FXR1: variants seen among roughly 807,000 people sequenced by gnomAD.
FXR1 encodes the protein RNA-binding protein FXR1.
In FXR1, 15 loss-of-function variants were observed where a neutral mutation model predicts 84.0. That is an observed-to-expected ratio of 0.18 (90% CI 0.12 to 0.27). FXR1 has a LOEUF of 0.27. FXR1 is among the 10% of genes least tolerant of loss of function. The pLI, the probability that FXR1 is intolerant of heterozygous loss-of-function variation, is 1.00. For synonymous variants in FXR1, 245 were observed against 250.7 expected (o/e 0.98, Z 0.21); for missense variants, 480 against 774.4 (o/e 0.62, Z 4.51).
At chr3:180,944,749 A>C (rs907190884) in intron 3 of FXR1, among the ~76,000 whole-genome samples, 1 of 152,176 alleles carries the variant, frequency 6.6e-6, no homozygotes, top group African/African-American at 2.4e-5. Context: ...CAGGCCCCCA[A>C]GTAGCTGAGA....
intron 15 of FXR1, chr3:180,971,129 G>C (rs1158567297): frequency 7.8e-7 from 1 of 1,276,908 alleles, no homozygotes; most frequent in East Asian, 5.6e-5. Flanking sequence ...CGTCGCTTCA[G>C]GGGTCAGGCA....
In FXR1 at chr3:180,975,993, T is replaced by G; in HGVS notation, c.1696-129T>G. On this transcript the variant is annotated intron_variant, in intron 16 of 16. Coordinates refer to ENST00000357559, the MANE Select transcript of FXR1 (RefSeq NM_005087.4). ...GTTTTGAATTTTAAAGATGTTTTAA[T>G]ACTTTGATCCATTGTGGTATATAAA... 3.2e-6 allele frequency: 2 copies of G among 628,594 alleles called. 1 individual carries two copies. The highest frequency in any genetic ancestry group is 4.6e-5 in the South Asian group (2 of 43,264). The allele number at this position is 628,594 out of a possible 1,614,324, so 38.9% of individuals were successfully genotyped here.
chr3:180,959,969 T>TAAACCATTCTGTTTAACTGTTAG (rs1307627121), intron 10 of FXR1, among the ~76,000 whole-genome samples: 1 of 152,190 alleles, frequency 6.6e-6, no homozygotes, highest in African/African-American at 2.4e-5. Flanking sequence ...AAAAAATCCC[T>TAAACCATTCTGTTTAACTGTTAG]AAACCATTCT....
chr3:180,976,562 T>C lies in FXR1; in HGVS notation c.*270T>C, dbSNP rs1489983047. 2 of 210,082 alleles carry C rather than the reference T, an allele frequency of 9.5e-6. No individual in the cohort carries two copies. The highest frequency in any genetic ancestry group is 4.6e-5 in the African/African-American group (2 of 43,672). The allele number at this position is 210,082 out of a possible 1,614,324, so 13.0% of individuals were successfully genotyped here. On this transcript the variant is annotated 3_prime_UTR_variant, in exon 17 of 17. Transcript: ENST00000357559. ...TTGCTGGCTATAGGAAATGTTATTT[T>C]GTTTTCAAAATATGGCAGAGATGGG...
intron 1 of FXR1, among the ~76,000 whole-genome samples, chr3:180,932,084 A>AAAAAAAAC (rs1270174639): frequency 6.6e-6 from 1 of 150,484 alleles, no homozygotes. Context: ...TCAAAAAAAA[A>AAAAAAAAC]AAAAAACAAC....
Position 180,978,201 on chromosome 3 carries a change from T to C in FXR1, c.*1909T>C, listed in dbSNP as rs143130417. ...TGGTGTAAAAAAAAAAAAAAAGACT[T>C]TTCATTTTCTCCCACATAGAATAGT... is the stretch of plus-strand genomic sequence containing the variant. On this transcript the variant is annotated 3_prime_UTR_variant, in exon 17 of 17. Transcript: ENST00000357559. 11 of 151,918 alleles carry C rather than the reference T, an allele frequency of 7.2e-5. No homozygotes were observed. The highest frequency in any genetic ancestry group is 5.8e-4 in the East Asian group (3 of 5,176). 9.4% of individuals were successfully genotyped at this position (151,918 alleles called of 1,614,324 possible).
At chr3:180,968,457 T>C in intron 14 of FXR1, 1 of 466,186 alleles carries the variant, frequency 2.1e-6, no homozygotes, top group Middle Eastern at 5.7e-4. Context: ...AATATACTGG[T>C]CAGAACTTTA....
chr3:180,976,337 A>G lies in FXR1; in HGVS notation c.*45A>G. On this transcript the variant is annotated 3_prime_UTR_variant, in exon 17 of 17. Coordinates refer to ENST00000357559, the MANE Select transcript of FXR1 (RefSeq NM_005087.4). ...TACAGTTCTTTTACATTACATTTAC[A>G]ATAGTGCTTGTACAAGCTTGCCAAA... is the stretch of plus-strand genomic sequence containing the variant. 7.7e-7 allele frequency: 1 copy of G among 1,306,800 alleles called. No homozygotes were observed. Among genetic ancestry groups the G allele is most frequent in the Non-Finnish European group, 1.1e-6 (1 of 941,606 alleles). 81.0% of individuals were successfully genotyped at this position (1,306,800 alleles called of 1,614,324 possible).
At chr3:180,954,102 A>T (rs747215749) in intron 9 of FXR1, 14 of 307,298 alleles carry the variant, frequency 4.6e-5, no homozygotes, top group Middle Eastern at 9.7e-4. Context: ...TTGTCATTAC[A>T]GTTTTTCATC....
At chr3:180,973,883 T>G (rs1713892996) in intron 15 of FXR1, among the ~76,000 whole-genome samples, 1 of 152,220 alleles carries the variant, frequency 6.6e-6, no homozygotes, top group Admixed American at 6.5e-5. Flanking sequence ...GTAAATACCA[T>G]CCAGCTTTTT....
chr3:180,923,968 T>G (rs1050395529), intron 1 of FXR1, among the ~76,000 whole-genome samples: 2 of 150,484 alleles, frequency 1.3e-5, no homozygotes, highest in Non-Finnish European at 3.0e-5. Context: ...TGAGTTTCTG[T>G]TTTTTTTTGA....
intron 15 of FXR1, chr3:180,971,850 A>T (rs943098830): frequency 1.3e-5 from 2 of 152,656 alleles, no homozygotes; most frequent in African/African-American, 4.8e-5. Context: ...TCACATGTAT[A>T]TTCACAATGA....
chr3:180,912,761 C>G, intron 1 of FXR1, 25 bp downstream of exon 1: 1 of 1,613,936 alleles, frequency 6.2e-7, no homozygotes, highest in South Asian at 1.1e-5. Context: ...GCCACTTTGT[C>G]GAGTGTTCTG....
chr3:180,940,986 G>C (rs1347156021), intron 3 of FXR1, among the ~76,000 whole-genome samples: 1 of 152,110 alleles, frequency 6.6e-6, no homozygotes, highest in Non-Finnish European at 1.5e-5. Context: ...GTTAAAATAG[G>C]AATTGGCAAG....
chr3:180,970,072 T>G, intron 14 of FXR1, 86 bp from the exon 15 acceptor site: 1 of 625,676 alleles, frequency 1.6e-6, no homozygotes, highest in Non-Finnish European at 3.0e-6. Context: ...GAAGTTTATT[T>G]GTCATTGATA....
At chr3:180,966,614 G>C (rs1394243563) in intron 13 of FXR1, among the ~76,000 whole-genome samples, 1 of 152,270 alleles carries the variant, frequency 6.6e-6, no homozygotes, top group South Asian at 2.1e-4. Context: ...TATACACTCT[G>C]CCAGGCATTT....
In FXR1 at chr3:180,912,694, G is replaced by C; in HGVS notation, c.9G>C (p.Glu3Asp). The change falls in exon 1 of 17, where the codon GAG becomes GAC. Residue 3 changes from glutamate (E) to aspartate (D), a missense_variant. Physicochemically the swap from Glu to Asp is conservative, Grantham distance 45. Around this residue, in one of 6 missense-constraint regions of FXR1, gnomAD observed 54 missense variants for 74.2 expected, o/e 0.73. Coordinates refer to ENST00000357559, the MANE Select transcript of FXR1 (RefSeq NM_005087.4). MAELTVEVRGSNG... is the reference protein window; with the variant it reads MADLTVEVRGSNG... ...GCCTTTGCGGTTCCAACATGGCGGA[G>C]CTGACGGTGGAGGTTCGCGGCTCTA... The C allele has an allele frequency of 1.2e-6, 2 of 1,613,954 alleles. No homozygotes were observed. Among genetic ancestry groups the C allele is most frequent in the South Asian group, 1.1e-5 (1 of 91,072 alleles).
rs1294944357 is a variant in FXR1, at chr3:180,915,008, C to G, written c.51+2272C>G. The G allele has an allele frequency of 5.0e-6, 4 of 793,958 alleles. No individual in the cohort carries two copies. The East Asian group carries it at 5.0e-4, about 99-fold the overall frequency. 49.2% of individuals were successfully genotyped at this position (793,958 alleles called of 1,614,324 possible). On this transcript the variant is annotated intron_variant, in intron 1 of 16. Coordinates refer to ENST00000357559, the MANE Select transcript of FXR1 (RefSeq NM_005087.4). ...ATGAGAATTCTAGGTCTGTACTTCA[C>G]CTTACCATTATCTAACAATGGACCC...
intron 3 of FXR1, among the ~76,000 whole-genome samples, chr3:180,941,696 T>C (rs1169307698): frequency 6.6e-6 from 1 of 152,180 alleles, no homozygotes; most frequent in African/African-American, 2.4e-5. Flanking sequence ...TCTTTGTTAC[T>C]TGTTTTTGTC....
Sources: allele counts gnomAD v4.1 joint callset (sites outside exome capture counted in the v4.1 genomes callset), GRCh38; gene constraint gnomAD v4.1.1; regional missense constraint gnomAD v4.1.1; transcripts MANE v1.5; gene names NCBI Gene and HGNC (gene_info 2026-07-23, HGNC 2026-07-21).